ANKRD44: variants seen among roughly 807,000 people sequenced by gnomAD.
The protein encoded by ANKRD44 is serine/threonine-protein phosphatase 6 regulatory ankyrin repeat subunit B.
Under a neutral mutation model 116.0 loss-of-function variants are expected in ANKRD44, and 35 were observed. The ratio of observed to expected loss-of-function variants is 0.30; its 90% CI spans 0.23 to 0.40. The LOEUF is 0.40. Ranked by LOEUF, ANKRD44 falls within the 10% of genes least tolerant of loss-of-function variation. The probability of loss-of-function intolerance (pLI) is 1.00; values close to 1 mark genes in which losing one functional copy is unlikely to be tolerated. For missense variants in ANKRD44, 1,014 were observed against 1,242.6 expected (o/e 0.82, Z 2.77); for synonymous variants, 435 against 461.8 (o/e 0.94, Z 0.74).
At chr2:196,977,684 T>A (rs1314018572) in intron 21 of ANKRD44, among the ~76,000 whole-genome samples, 8 of 151,964 alleles carry the variant, frequency 5.3e-5, no homozygotes, top group African/African-American at 7.3e-5. Flanking sequence ...ATAATAAAAA[T>A]AAATGAGGAA....
At chr2:197,098,734 C>T (rs976289959) in intron 10 of ANKRD44, among the ~76,000 whole-genome samples, 1 of 152,110 alleles carries the variant, frequency 6.6e-6, no homozygotes, top group Non-Finnish European at 1.5e-5. Context: ...TACCAGATAC[C>T]AAAGAGCTTT....
At chr2:197,207,977 C>A (rs1365970098) in intron 1 of ANKRD44, among the ~76,000 whole-genome samples, 3 of 152,158 alleles carry the variant, frequency 2.0e-5, no homozygotes, top group African/African-American at 4.8e-5. Context: ...GAGGCGACAC[C>A]AAATGGTGAC....
At chr2:197,281,012 T>C (rs925975012) in intron 1 of ANKRD44, among the ~76,000 whole-genome samples, 23 of 152,316 alleles carry the variant, frequency 1.5e-4, no homozygotes, top group African/African-American at 5.3e-4. Context: ...ATTAAAATCT[T>C]AAGCTCTGCT....
intron 16 of ANKRD44, among the ~76,000 whole-genome samples, chr2:197,048,801 A>AG (rs58135006): frequency 0.63 from 95,124 of 151,426 alleles, 31,256 homozygotes; most frequent in East Asian, 0.84. Flanking sequence ...TACACTCCCA[A>AG]CAGTGTAAAA....
intron 20 of ANKRD44, 33 bp from the exon 21 acceptor site, chr2:197,005,943 C>G (rs1317846013): frequency 8.1e-6 from 13 of 1,604,590 alleles, no homozygotes; most frequent in Non-Finnish European, 1.1e-5. Context: ...ACAAAACAAA[C>G]CTCAGAAGAC....
chr2:197,038,243 A>G (rs2076842773), intron 16 of ANKRD44, among the ~76,000 whole-genome samples: 1 of 152,144 alleles, frequency 6.6e-6, no homozygotes, highest in African/African-American at 2.4e-5. Flanking sequence ...GAGGCTGTGC[A>G]TGGGGCGGGA....
chr2:196,971,853 G>C (rs1304422639), intron 21 of ANKRD44, among the ~76,000 whole-genome samples: 1 of 152,138 alleles, frequency 6.6e-6, no homozygotes, highest in African/African-American at 2.4e-5. Flanking sequence ...ATTGTAGTCT[G>C]TGACCCCCTT....
chr2:197,258,753 T>C (rs1021694462), intron 1 of ANKRD44, among the ~76,000 whole-genome samples: 2 of 152,222 alleles, frequency 1.3e-5, no homozygotes, highest in African/African-American at 4.8e-5. Context: ...CAAGATTTGC[T>C]ATTTCTGGTT....
intron 2 of ANKRD44, among the ~76,000 whole-genome samples, chr2:197,177,794 T>A (rs2080403350): frequency 6.6e-6 from 1 of 152,184 alleles, no homozygotes; most frequent in African/African-American, 2.4e-5. Context: ...ACACATGATA[T>A]CTGCTGTTTA....
intron 1 of ANKRD44, among the ~76,000 whole-genome samples, chr2:197,259,874 G>A (rs1194764055): frequency 1.3e-5 from 2 of 152,098 alleles, no homozygotes; most frequent in African/African-American, 4.8e-5. Flanking sequence ...TGGTTGAGGA[G>A]TTTCACATTT....
intron 19 of ANKRD44, 71 bp downstream of exon 19, chr2:197,008,873 G>A: frequency 1.5e-6 from 2 of 1,360,704 alleles, no homozygotes; most frequent in Non-Finnish European, 2.1e-6. Flanking sequence ...GCCTTGTAAT[G>A]ATTTAAGAAA....
intron 17 of ANKRD44, among the ~76,000 whole-genome samples, chr2:197,019,078 A>AC (rs2076446445): frequency 6.6e-6 from 1 of 152,184 alleles, no homozygotes; most frequent in Non-Finnish European, 1.5e-5. Context: ...CTCTATGTGG[A>AC]ATAGAGACAA....
chr2:197,300,364 C>G (rs1426663839), intron 1 of ANKRD44, among the ~76,000 whole-genome samples: 1 of 152,228 alleles, frequency 6.6e-6, no homozygotes, highest in African/African-American at 2.4e-5. Flanking sequence ...CTACCCACAT[C>G]TGCTGCCTGA....
intron 1 of ANKRD44, among the ~76,000 whole-genome samples, chr2:197,305,939 G>A (rs994827693): frequency 7.1e-6 from 1 of 140,276 alleles, no homozygotes; most frequent in Admixed American, 7.0e-5. Flanking sequence ...CTAGCTTTCT[G>A]CTTTTCCTAT....
intron 18 of ANKRD44, among the ~76,000 whole-genome samples, chr2:197,011,256 C>T (rs2076294622): frequency 6.6e-6 from 1 of 152,082 alleles, no homozygotes; most frequent in Admixed American, 6.6e-5. Context: ...TGACTGGTTC[C>T]TCTTTCTGTA....
At chr2:197,102,994 C>T (rs10200322) in intron 9 of ANKRD44, among the ~76,000 whole-genome samples, 4 of 151,830 alleles carry the variant, frequency 2.6e-5, no homozygotes, top group Admixed American at 2.0e-4. Flanking sequence ...CTCTGGGAGG[C>T]CAAGGTGGGC....
intron 8 of ANKRD44, among the ~76,000 whole-genome samples, chr2:197,112,798 T>C (rs2078620185): frequency 6.6e-6 from 1 of 151,816 alleles, no homozygotes; most frequent in African/African-American, 2.4e-5. Flanking sequence ...AACTACAGAA[T>C]TGGGGTAAGA....
chr2:197,254,790 C>T (rs933637359), intron 1 of ANKRD44, among the ~76,000 whole-genome samples: 1 of 151,960 alleles, frequency 6.6e-6, no homozygotes, highest in Non-Finnish European at 1.5e-5. Context: ...GCTTTAACAT[C>T]AAAATCATGT....
chr2:197,168,259 T>C (rs1385546057), intron 2 of ANKRD44, among the ~76,000 whole-genome samples: 2 of 152,236 alleles, frequency 1.3e-5, no homozygotes, highest in Admixed American at 6.5e-5. Flanking sequence ...ACAAAATCCA[T>C]GAGCATCATC....
Sources: gnomAD v4.1 joint callset for allele counts (sites outside exome capture counted in the v4.1 genomes callset) on GRCh38, gnomAD v4.1.1 for gene constraint, MANE v1.5 for transcripts, NCBI Gene and HGNC (gene_info 2026-07-23, HGNC 2026-07-21) for gene names.